Variants in USP12 observed in about 807,000 individuals in gnomAD.
The protein encoded by USP12 is ubiquitin specific peptidase 12.
A neutral mutation model predicts 45.5 loss-of-function variants in USP12; 19 were observed. That is an observed-to-expected ratio of 0.42 (90% CI 0.29 to 0.61). The LOEUF (loss-of-function observed/expected upper bound fraction) is 0.61, where lower values mean the gene tolerates loss of function less well. USP12 is among the 20% of genes least tolerant of loss of function. The pLI, the probability that USP12 is intolerant of heterozygous loss-of-function variation, is 0.22. For missense variants in USP12, 242 were observed against 447.7 expected (o/e 0.54, Z 4.15); for synonymous variants, 149 against 148.8 (o/e 1.00, Z -0.01).
intron 1 of USP12, among the ~76,000 whole-genome samples, chr13:27,128,765 T>C (rs1460142853): frequency 6.6e-6 from 1 of 152,262 alleles, no homozygotes; most frequent in Non-Finnish European, 1.5e-5. Flanking sequence ...AACAGATTTC[T>C]GTGATTATGC....
intron 6 of USP12, among the ~76,000 whole-genome samples, chr13:27,086,174 TAAA>T (rs138475761): frequency 0.059 from 4,228 of 71,992 alleles, 180 homozygotes; most frequent in African/African-American, 0.1. Flanking sequence ...TTTGTCTCTT[TAAA>T]AAAAAAAAAA....
chr13:27,122,185 C>G lies in USP12; in HGVS notation c.49-5589G>C, dbSNP rs368015529. Among the ~76,000 whole-genome samples, 586 of 152,302 alleles carry G rather than the reference C, an allele frequency of 3.8e-3. 3 individuals are homozygous for G. The highest frequency in any genetic ancestry group is 0.022 in the South Asian group (105 of 4,828). On this transcript the variant is annotated intron_variant, in intron 1 of 8. Transcript: ENST00000282344. The stretch of plus-strand genomic sequence containing the variant: ...TTTGGCTCTGTGTCCCCACACAAAT[C>G]TCACCTTGAACTGTACTTCCATAGG...
chr13:27,105,233 C>T (rs921882465), intron 3 of USP12, among the ~76,000 whole-genome samples: 96 of 152,232 alleles, frequency 6.3e-4, no homozygotes, highest in African/African-American at 2.2e-3. Flanking sequence ...TACCCTAAGC[C>T]AAAAGGTCTT....
intron 1 of USP12, among the ~76,000 whole-genome samples, chr13:27,164,495 C>T (rs146455241): frequency 3.3e-3 from 498 of 152,328 alleles, no homozygotes; most frequent in African/African-American, 0.011. Context: ...GGCTATACCA[C>T]CTCACACAGT....
At chr13:27,169,387 G>A (rs554766052) in intron 1 of USP12, among the ~76,000 whole-genome samples, 1 of 152,270 alleles carries the variant, frequency 6.6e-6, no homozygotes, top group Admixed American at 6.5e-5. Flanking sequence ...CAAAGCCAAA[G>A]AGGTATCTTT....
chr13:27,145,753 A>G (rs1411522343), intron 1 of USP12, among the ~76,000 whole-genome samples: 1 of 152,116 alleles, frequency 6.6e-6, no homozygotes, highest in Admixed American at 6.5e-5. Context: ...GTAACTCTAT[A>G]CCACAAAATT....
intron 1 of USP12, among the ~76,000 whole-genome samples, chr13:27,117,346 T>C (rs1024353131): frequency 2.0e-5 from 3 of 152,180 alleles, no homozygotes; most frequent in African/African-American, 7.2e-5. Flanking sequence ...AATATGCACA[T>C]GCTCAGTGGC....
chr13:27,112,381 ACT>A (rs1366800917), intron 2 of USP12, among the ~76,000 whole-genome samples: 1 of 150,234 alleles, frequency 6.7e-6, no homozygotes, highest in East Asian at 2.0e-4. Flanking sequence ...AACCTCCTGG[ACT>A]CAAGATCCTC....
At chr13:27,111,123 C>T (rs1281600187) in intron 2 of USP12, among the ~76,000 whole-genome samples, 1 of 152,068 alleles carries the variant, frequency 6.6e-6, no homozygotes, top group African/African-American at 2.4e-5. Context: ...TTCTCTGAGG[C>T]CTGCCATTAG....
At chr13:27,160,795 T>TCC (rs1387804682) in intron 1 of USP12, among the ~76,000 whole-genome samples, 5 of 150,462 alleles carry the variant, frequency 3.3e-5, no homozygotes, top group African/African-American at 1.2e-4. Flanking sequence ...TTTTTTTTTT[T>TCC]CCCCCTTCAA....
At position 27,116,497 on chromosome 13, in the gene USP12, C is replaced by T. The variant is rs1170545556; in HGVS notation, c.129+19G>A. On this transcript the variant is annotated intron_variant, in intron 2 of 8. Coordinates refer to ENST00000282344, the MANE Select transcript of USP12 (RefSeq NM_182488.4). ...CTGCTTCCGAACATGATTCTAAAAG[C>T]GTATCAATGGATACTTACATTGACT... is the stretch of plus-strand genomic sequence containing the variant. 15 of 1,608,290 alleles carry T rather than the reference C, an allele frequency of 9.3e-6. No individual in the cohort carries two copies. Among genetic ancestry groups the T allele is most frequent in the South Asian group, 3.3e-5 (3 of 90,290 alleles).
intron 6 of USP12, among the ~76,000 whole-genome samples, chr13:27,080,595 A>G (rs891644020): frequency 5.3e-5 from 8 of 152,182 alleles, no homozygotes; most frequent in South Asian, 2.1e-4. Flanking sequence ...GAGAGAGGAA[A>G]GATGAGAAGG....
In USP12 at chr13:27,071,602, G is replaced by A. The variant is rs139944179; in HGVS notation, c.933-453C>T. On this transcript the variant is annotated intron_variant, in intron 7 of 8. Coordinates refer to ENST00000282344, the MANE Select transcript of USP12 (RefSeq NM_182488.4). Reference sequence around the variant, plus strand: ...TGAGGAAAGATCCAATATGATGCTTGAAACAGGCAAGGATATCAAATCCTT... The same window carrying A: ...TGAGGAAAGATCCAATATGATGCTTAAAACAGGCAAGGATATCAAATCCTT... Among the ~76,000 whole-genome samples the A allele has an allele frequency of 7.9e-5, 12 of 152,206 alleles. No individual in the cohort carries two copies. In the East Asian group the frequency reaches 2.3e-3, roughly 29 times the overall value.
rs183920908 is a variant in USP12, at chr13:27,106,436, A to G, written c.130-492T>C. Among the ~76,000 whole-genome samples, 232 of 152,286 alleles carry G rather than the reference A, an allele frequency of 1.5e-3. 2 individuals are homozygous for G. In the East Asian group the frequency reaches 0.028, roughly 18 times the overall value. ...GCGGGCGGGGAAATAAACCTACTTT[A>G]TAAAGTAAATGACACACAGTTTCAT... On this transcript the variant is annotated intron_variant, in intron 2 of 8. Coordinates refer to ENST00000282344, the MANE Select transcript of USP12 (RefSeq NM_182488.4).
At chr13:27,141,801 T>C (rs1398934773) in intron 1 of USP12, among the ~76,000 whole-genome samples, 1 of 152,160 alleles carries the variant, frequency 6.6e-6, no homozygotes, top group African/African-American at 2.4e-5. Flanking sequence ...AACTCCAAAA[T>C]GTTCCAAAAT....
intron 6 of USP12, among the ~76,000 whole-genome samples, chr13:27,086,151 C>G (rs68153510): frequency 0.098 from 12,378 of 125,818 alleles, 639 homozygotes; most frequent in Middle Eastern, 0.18. Flanking sequence ...GCCTGGGTGA[C>G]AGAGAGAGAT....
intron 1 of USP12, among the ~76,000 whole-genome samples, chr13:27,136,367 G>T (rs796510986): frequency 1.3e-5 from 2 of 152,218 alleles, no homozygotes; most frequent in African/African-American, 4.8e-5. Flanking sequence ...GCATGGTGGC[G>T]CATGCCTGTA....
chr13:27,121,677 C>T (rs1875997100), intron 1 of USP12, among the ~76,000 whole-genome samples: 1 of 151,476 alleles, frequency 6.6e-6, no homozygotes, highest in Non-Finnish European at 1.5e-5. Context: ...CTGGCTAACA[C>T]GGTGAAACCC....
At position 27,067,930 on chromosome 13, in the gene USP12, T is replaced by C. The variant is rs1180562323; in HGVS notation, c.*1353A>G. 1 of 152,188 alleles carries C rather than the reference T, an allele frequency of 6.6e-6. No homozygotes were observed. The highest frequency in any genetic ancestry group is 2.4e-5 in the African/African-American group (1 of 41,452). The allele number at this position is 152,188 out of a possible 1,614,324, so 9.4% of individuals were successfully genotyped here. A position where few individuals can be genotyped will look rare whatever the true frequency, so the allele number is the denominator to read the frequency against. On this transcript the variant is annotated 3_prime_UTR_variant, in exon 9 of 9. Transcript: ENST00000282344. The stretch of plus-strand genomic sequence containing the variant: ...ATATATTTTATGTTACATATATTAC[T>C]TCTTAAAACCCCCAACAGAATGAAG...
Sources: allele counts gnomAD v4.1 joint callset (sites outside exome capture counted in the v4.1 genomes callset), GRCh38; gene constraint gnomAD v4.1.1; transcripts MANE v1.5; gene names NCBI Gene and HGNC (gene_info 2026-07-23, HGNC 2026-07-21).